The following ITFG1 variants were observed in gnomAD, a reference collection of about 807,000 sequenced individuals.
The protein encoded by ITFG1 is T-cell immunomodulatory protein.
Under a neutral mutation model 81.8 loss-of-function variants are expected in ITFG1, and 34 were observed. The observed-to-expected ratio is 0.42, with a 90% CI of 0.32 to 0.55. The LOEUF is 0.55. Among genes scored for constraint, ITFG1 ranks in the 20% least tolerant of loss-of-function variants. The pLI, the probability that ITFG1 is intolerant of heterozygous loss-of-function variation, is 0.17. For missense variants in ITFG1, 672 were observed against 755.4 expected (o/e 0.89, Z 1.29); for synonymous variants, 285 against 270.6 (o/e 1.05, Z -0.52).
At chr16:47,212,122 T>C (rs1343799661) in intron 14 of ITFG1, among the ~76,000 whole-genome samples, 1 of 152,200 alleles carries the variant, frequency 6.6e-6, no homozygotes, top group African/African-American at 2.4e-5. Context: ...GATTTTGTAC[T>C]GTCTTTGTCT....
intron 14 of ITFG1, among the ~76,000 whole-genome samples, chr16:47,167,049 A>G (rs145557464): frequency 6.6e-6 from 1 of 152,250 alleles, no homozygotes; most frequent in East Asian, 1.9e-4. Flanking sequence ...GCAACTATCA[A>G]TTCTCTCTTG....
chr16:47,354,167 G>A lies in ITFG1; in HGVS notation c.802+11621C>T, dbSNP rs1968006924. On this transcript the variant is annotated intron_variant, in intron 8 of 17. Transcript: ENST00000320640. ...ACTTTAAAACATACTACAAAGCTAT[G>A]GTAATCAATACAGCATGATACTGTC... is the stretch of plus-strand genomic sequence containing the variant. 2.6e-5 allele frequency among the ~76,000 whole-genome samples: 4 copies of A among 152,100 alleles called. No individual in the cohort carries two copies. The South Asian group carries it at 8.3e-4, about 32-fold the overall frequency.
intron 6 of ITFG1, among the ~76,000 whole-genome samples, chr16:47,419,601 C>CTTTTT (rs34405979): frequency 4.3e-4 from 35 of 81,984 alleles, no homozygotes; most frequent in South Asian, 5.3e-4. Flanking sequence ...TACTTCAGGT[C>CTTTTT]TTTTTTTTTT....
At chr16:47,368,555 CAAAAAAAAAAAA>C (rs35965452) in intron 7 of ITFG1, among the ~76,000 whole-genome samples, 5 of 33,574 alleles carry the variant, frequency 1.5e-4, no homozygotes, top group Non-Finnish European at 1.9e-4. Flanking sequence ...GACTCCATCT[CAAAAAAAAAAAA>C]AAAAAAAAAA....
At chr16:47,228,277 A>G (rs1034656728) in intron 13 of ITFG1, among the ~76,000 whole-genome samples, 1 of 152,238 alleles carries the variant, frequency 6.6e-6, no homozygotes, top group Non-Finnish European at 1.5e-5. Flanking sequence ...GGTTGAAGTA[A>G]TGCCTGCTAT....
intron 6 of ITFG1, among the ~76,000 whole-genome samples, chr16:47,409,402 ATATTTTTTT>A (rs1968777680): frequency 1.1e-4 from 1 of 8,780 alleles, no homozygotes; most frequent in Non-Finnish European, 2.2e-4. Flanking sequence ...ATATATATAT[ATATTTTTTT>A]TTTTTTTTTT....
chr16:47,186,470 A>G (rs1965218433), intron 14 of ITFG1, among the ~76,000 whole-genome samples: 2 of 152,210 alleles, frequency 1.3e-5, no homozygotes, highest in African/African-American at 4.8e-5. Context: ...GCAAATCAAT[A>G]AATGTAATCC....
chr16:47,397,554 T>C (rs1968608385), intron 6 of ITFG1, among the ~76,000 whole-genome samples: 1 of 152,200 alleles, frequency 6.6e-6, no homozygotes, highest in Non-Finnish European at 1.5e-5. Context: ...TAGGAGACAC[T>C]GGACAATGTC....
At chr16:47,367,112 A>C (rs553234116) in intron 7 of ITFG1, among the ~76,000 whole-genome samples, 43 of 152,266 alleles carry the variant, frequency 2.8e-4, no homozygotes, top group African/African-American at 1.0e-3. Flanking sequence ...GAACTCTGGG[A>C]AACATATTTA....
chr16:47,327,650 C>T (rs1967571032), intron 8 of ITFG1, among the ~76,000 whole-genome samples: 2 of 152,124 alleles, frequency 1.3e-5, no homozygotes, highest in African/African-American at 2.4e-5. Context: ...ACAACCTCAT[C>T]AAAAAGTGGG....
chr16:47,282,229 A>C (rs965083356), intron 10 of ITFG1, among the ~76,000 whole-genome samples: 1 of 151,944 alleles, frequency 6.6e-6, no homozygotes, highest in Admixed American at 6.6e-5. Context: ...AGTTGTACCC[A>C]TTAAGTAATT....
intron 13 of ITFG1, among the ~76,000 whole-genome samples, chr16:47,232,797 C>T (rs562757683): frequency 2.0e-5 from 3 of 152,036 alleles, no homozygotes; most frequent in Non-Finnish European, 4.4e-5. Flanking sequence ...CACACCACCA[C>T]ACCCAGGTAA....
At chr16:47,404,510 A>G (rs1968703592) in intron 6 of ITFG1, among the ~76,000 whole-genome samples, 1 of 152,202 alleles carries the variant, frequency 6.6e-6, no homozygotes, top group South Asian at 2.1e-4. Flanking sequence ...CTTAACAAAC[A>G]GGTAGCCCCT....
intron 14 of ITFG1, among the ~76,000 whole-genome samples, chr16:47,200,765 A>G (rs1230585540): frequency 6.6e-6 from 1 of 152,202 alleles, no homozygotes; most frequent in Non-Finnish European, 1.5e-5. Flanking sequence ...CTGTGGCCCC[A>G]TAGCAGACCT....
chr16:47,193,272 C>G (rs950586402), intron 14 of ITFG1, among the ~76,000 whole-genome samples: 2 of 149,300 alleles, frequency 1.3e-5, no homozygotes, highest in Non-Finnish European at 3.0e-5. Context: ...ATTTTTCACT[C>G]ATTATTCATT....
chr16:47,248,083 A>T (rs1966023746), intron 12 of ITFG1, among the ~76,000 whole-genome samples: 1 of 152,212 alleles, frequency 6.6e-6, no homozygotes, highest in Admixed American at 6.5e-5. Context: ...TTAATATAGG[A>T]TACTATTATA....
At chr16:47,403,570 G>T (rs1366958444) in intron 6 of ITFG1, among the ~76,000 whole-genome samples, 1 of 152,122 alleles carries the variant, frequency 6.6e-6, no homozygotes, top group Non-Finnish European at 1.5e-5. Context: ...ATGAATATAT[G>T]TTGGTTATTA....
intron 10 of ITFG1, among the ~76,000 whole-genome samples, chr16:47,279,928 T>C (rs932009795): frequency 2.6e-5 from 4 of 152,178 alleles, no homozygotes; most frequent in Non-Finnish European, 5.9e-5. Flanking sequence ...ATTGCTAATA[T>C]ATAGAAATAA....
rs375842225 is a variant in ITFG1 at position 47,377,369 on chromosome 16, G to C, written c.656-1429C>G. Among the ~76,000 whole-genome samples, 24 of 152,220 alleles carry C rather than the reference G, an allele frequency of 1.6e-4. No homozygotes were observed. The East Asian group carries it at 2.5e-3, about 16-fold the overall frequency. On this transcript the variant is annotated intron_variant, in intron 6 of 17. Transcript: ENST00000320640. ...CTGTTACTCATGCACTCCCAATGAC[G>C]TGTTACTTCCAAAGTCATTTGATCT...
Sources: gnomAD v4.1 joint callset for allele counts (sites outside exome capture counted in the v4.1 genomes callset) on GRCh38, gnomAD v4.1.1 for gene constraint, MANE v1.5 for transcripts, NCBI Gene and HGNC (gene_info 2026-07-23, HGNC 2026-07-21) for gene names.